Variants in SLC17A8 observed in about 807,000 individuals in gnomAD.
The protein encoded by SLC17A8 is vesicular glutamate transporter 3.
SLC17A8 carries 31 observed loss-of-function variants against 58.0 expected under a neutral mutation model. The observed-to-expected ratio is 0.53, with a 90% CI of 0.40 to 0.72. The LOEUF (loss-of-function observed/expected upper bound fraction) is 0.72, where lower values mean the gene tolerates loss of function less well. Among genes scored for constraint, SLC17A8 ranks in the 30% least tolerant of loss-of-function variants. SLC17A8 has a pLI of 0.00. For missense variants in SLC17A8, 655 were observed against 727.8 expected, an observed-to-expected ratio of 0.90 and a Z score of 1.15; for synonymous variants, 228 against 249.0, an observed-to-expected ratio of 0.92 and a Z score of 0.79.
chr12:100,378,544 T>C (rs1211073448), intron 1 of SLC17A8, among the ~76,000 whole-genome samples: 1 of 151,950 alleles, frequency 6.6e-6, no homozygotes, highest in Non-Finnish European at 1.5e-5. Context: ...TAGATTCTAA[T>C]ATGGGAGGAA....
intron 1 of SLC17A8, among the ~76,000 whole-genome samples, chr12:100,372,399 G>A (rs544199436): frequency 6.6e-6 from 1 of 152,250 alleles, no homozygotes; most frequent in African/African-American, 2.4e-5. Flanking sequence ...CCAGCCTGGA[G>A]TGCAGTGGCG....
intron 1 of SLC17A8, among the ~76,000 whole-genome samples, chr12:100,379,488 G>A (rs1952618350): frequency 1.3e-5 from 2 of 151,326 alleles, no homozygotes; most frequent in African/African-American, 2.4e-5. Flanking sequence ...GAACTTGTGG[G>A]CAAATGACTT....
At chr12:100,364,157 A>G (rs1419758640) in intron 1 of SLC17A8, among the ~76,000 whole-genome samples, 1 of 151,332 alleles carries the variant, frequency 6.6e-6, no homozygotes, top group African/African-American at 2.4e-5. Context: ...GCCCACTGCT[A>G]TGCCATCTTC....
In SLC17A8 at chr12:100,420,693, T is replaced by C. The variant is rs147059443; in HGVS notation, c.*534T>C. ...CATCTAAAGCAACAAGAAATGAACT[T>C]GCCCAAGGTCATCTGCCAGGGTCAG... On this transcript the variant is annotated 3_prime_UTR_variant, in exon 12 of 12. Transcript: ENST00000323346. 166 of 161,400 alleles carry C rather than the reference T, an allele frequency of 1.0e-3. 2 individuals are homozygous for C. The highest frequency in any genetic ancestry group is 2.1e-3 in the Admixed American group (37 of 17,538). 10.0% of individuals were successfully genotyped at this position (161,400 alleles called of 1,614,324 possible). A position where few individuals can be genotyped will look rare whatever the true frequency, so the allele number is the denominator to read the frequency against.
intron 3 of SLC17A8, among the ~76,000 whole-genome samples, chr12:100,391,664 A>T (rs1385587454): frequency 6.6e-6 from 1 of 152,118 alleles, no homozygotes; most frequent in African/African-American, 2.4e-5. Context: ...CAACTCTTCA[A>T]GTGATTATGT....
chr12:100,419,911 G>A lies in SLC17A8; in HGVS notation c.1522G>A (p.Glu508Lys). The part of the protein sequence containing the change: ...YGVFASGEKQ[E>K]WADPENLSEE... ...GGTCTTTGCTTCTGGGGAGAAACAG[G>A]AGTGGGCTGACCCAGAGAATCTCTC... The change falls in exon 12 of 12, where the codon GAG becomes AAG. Residue 508 changes from glutamate to lysine, a missense_variant. Transcript: ENST00000323346. The A allele has an allele frequency of 8.1e-6, 13 of 1,614,060 alleles. No homozygotes were observed. Among genetic ancestry groups the A allele is most frequent in the Non-Finnish European group, 1.1e-5 (13 of 1,180,040 alleles).
chr12:100,367,573 C>T (rs1952528438), intron 1 of SLC17A8, among the ~76,000 whole-genome samples: 1 of 152,128 alleles, frequency 6.6e-6, no homozygotes, highest in Non-Finnish European at 1.5e-5. Flanking sequence ...TTATTTGAGA[C>T]AGGGTCTCAC....
chr12:100,405,564 G>A (rs996607750), intron 9 of SLC17A8, among the ~76,000 whole-genome samples: 8 of 152,202 alleles, frequency 5.3e-5, no homozygotes, highest in Non-Finnish European at 1.2e-4. Context: ...CACAAACCAA[G>A]GAATGCAAGC....
Position 100,407,636 on chromosome 12 carries a change from C to T in SLC17A8, c.1186+3466C>T, listed in dbSNP as rs1008797493. Among the ~76,000 whole-genome samples the T allele has an allele frequency of 8.6e-5, 13 of 151,602 alleles. 1 individual carries two copies. The highest frequency in any genetic ancestry group is 3.1e-4 in the African/African-American group (13 of 41,380). On this transcript the variant is annotated intron_variant, in intron 9 of 11. Coordinates refer to ENST00000323346, the MANE Select transcript of SLC17A8 (RefSeq NM_139319.3). ...TTGTTTTGTTTTTGAGATGGAGTCT[C>T]GCTCTGTCACCCAGGCTGGAGTGCA... is the stretch of plus-strand genomic sequence containing the variant.
chr12:100,407,822 A>T (rs1566402545), intron 9 of SLC17A8, among the ~76,000 whole-genome samples: 1 of 151,908 alleles, frequency 6.6e-6, no homozygotes, highest in African/African-American at 2.4e-5. Flanking sequence ...TAGCCAGGGT[A>T]GTCTCGATCT....
At chr12:100,359,870 A>G (rs1952473536) in intron 1 of SLC17A8, among the ~76,000 whole-genome samples, 1 of 152,346 alleles carries the variant, frequency 6.6e-6, no homozygotes, top group East Asian at 1.9e-4. Context: ...ATGTAAAAAA[A>G]TCACAAAGAA....
intron 1 of SLC17A8, among the ~76,000 whole-genome samples, chr12:100,370,012 G>A (rs1450702008): frequency 6.6e-6 from 1 of 152,150 alleles, no homozygotes; most frequent in African/African-American, 2.4e-5. Context: ...ATTATTTCAG[G>A]TCTTCAGATT....
intron 2 of SLC17A8, among the ~76,000 whole-genome samples, chr12:100,386,877 CG>C (rs1952679202): frequency 6.6e-6 from 1 of 151,898 alleles, no homozygotes; most frequent in Admixed American, 6.6e-5. Flanking sequence ...TTAGTAGAGA[CG>C]GGGTTTCACC....
chr12:100,384,872 G>A (rs985329722), intron 2 of SLC17A8, among the ~76,000 whole-genome samples: 1 of 152,194 alleles, frequency 6.6e-6, no homozygotes, highest in Non-Finnish European at 1.5e-5. Context: ...GCCCCACAGA[G>A]TCTTTCATTG....
chr12:100,365,639 T>G (rs938311182), intron 1 of SLC17A8, among the ~76,000 whole-genome samples: 2 of 152,178 alleles, frequency 1.3e-5, no homozygotes, highest in Non-Finnish European at 2.9e-5. Flanking sequence ...CACAATAACT[T>G]TTCCTTCACT....
At position 100,363,966 on chromosome 12, in the gene SLC17A8, AAAC is replaced by A. The variant is rs1196568992; in HGVS notation, c.101+6475_101+6477del. Among the ~76,000 whole-genome samples, 3 of 150,954 alleles carry A rather than the reference AAAC, an allele frequency of 2.0e-5. No individual in the cohort carries two copies. The East Asian group carries it at 5.9e-4, about 30-fold the overall frequency. On this transcript the variant is annotated intron_variant, in intron 1 of 11. Transcript: ENST00000323346. The stretch of plus-strand genomic sequence containing the variant: ...GCTGAGGCAGGAGAATTGCTTGATT[AAAC>A]CCAAGGGGGAAGAGGTTGCAGTGAG...
intron 1 of SLC17A8, among the ~76,000 whole-genome samples, chr12:100,359,863 T>TA (rs1226603030): frequency 6.6e-6 from 1 of 152,206 alleles, no homozygotes; most frequent in African/African-American, 2.4e-5. Flanking sequence ...GAATCCCATG[T>TA]AAAAAAATCA....
At chr12:100,380,259 C>T (rs183703745) in intron 1 of SLC17A8, among the ~76,000 whole-genome samples, 6 of 150,358 alleles carry the variant, frequency 4.0e-5, no homozygotes, top group African/African-American at 1.2e-4. Flanking sequence ...TCAGCTGGGT[C>T]GAGCAATGTG....
At chr12:100,358,381 CT>C in intron 1 of SLC17A8, among the ~76,000 whole-genome samples, 1 of 152,186 alleles carries the variant, frequency 6.6e-6, no homozygotes, top group East Asian at 1.9e-4. Flanking sequence ...GTCCTTTTAA[CT>C]TTTCTATTAT....
Sources: gnomAD v4.1 joint callset for allele counts (sites outside exome capture counted in the v4.1 genomes callset) on GRCh38, gnomAD v4.1.1 for gene constraint, MANE v1.5 for transcripts, NCBI Gene and HGNC (gene_info 2026-07-23, HGNC 2026-07-21) for gene names.